TLE4: variants seen among roughly 807,000 people sequenced by gnomAD.
TLE4 encodes the protein transducin-like enhancer protein 4.
TLE4 carries 8 observed loss-of-function variants against 92.8 expected under a neutral mutation model. That is an observed-to-expected ratio of 0.09 (90% CI 0.05 to 0.16). The LOEUF (loss-of-function observed/expected upper bound fraction) is 0.16. TLE4 is among the 10% of genes least tolerant of loss of function. The pLI is 1.00. For missense variants in TLE4, 675 were observed against 997.6 expected (o/e 0.68, Z 4.36); for synonymous variants, 371 against 374.1 (o/e 0.99, Z 0.10).
chr9:79,693,659 T>G (rs778228391), intron 8 of TLE4: 1 of 517,872 alleles, frequency 1.9e-6, no homozygotes, highest in African/African-American at 1.9e-5. Flanking sequence ...ACCACAAAAG[T>G]TGTACCTCTG....
intron 4 of TLE4, among the ~76,000 whole-genome samples, chr9:79,600,248 C>T (rs1242716144): frequency 6.6e-6 from 1 of 152,032 alleles, no homozygotes; most frequent in African/African-American, 2.4e-5. Context: ...TCTCAACCTG[C>T]CTAGTCAAGT....
intron 6 of TLE4, among the ~76,000 whole-genome samples, chr9:79,632,926 G>T (rs1375062088): frequency 2.0e-5 from 3 of 152,168 alleles, no homozygotes; most frequent in Non-Finnish European, 2.9e-5. Flanking sequence ...GCTTGAAGAT[G>T]CACTCACTTG....
intron 4 of TLE4, chr9:79,576,832 G>GA (rs2037950590): frequency 6.6e-6 from 1 of 151,358 alleles, no homozygotes; most frequent in Non-Finnish European, 1.5e-5. Context: ...TGATTAGTCA[G>GA]AAAGCACTGA....
chr9:79,712,721 A>G (rs1193621231), intron 14 of TLE4, among the ~76,000 whole-genome samples: 4 of 152,272 alleles, frequency 2.6e-5, no homozygotes, highest in Admixed American at 1.3e-4. Flanking sequence ...GTTCTACTTC[A>G]TATGTAGTTG....
intron 5 of TLE4, among the ~76,000 whole-genome samples, chr9:79,617,791 T>G (rs1463977432): frequency 6.6e-6 from 1 of 151,632 alleles, no homozygotes; most frequent in Admixed American, 6.6e-5. Context: ...ACTGAATGTT[T>G]GGCTGCTTTA....
At chr9:79,680,297 C>A (rs1341128825) in intron 8 of TLE4, among the ~76,000 whole-genome samples, 1 of 151,820 alleles carries the variant, frequency 6.6e-6, no homozygotes, top group Non-Finnish European at 1.5e-5. Flanking sequence ...TTTCATTGAG[C>A]AGTGGTTTGT....
intron 16 of TLE4, among the ~76,000 whole-genome samples, chr9:79,721,373 T>C (rs1464455492): frequency 6.6e-6 from 1 of 152,138 alleles, no homozygotes; most frequent in Non-Finnish European, 1.5e-5. Context: ...AAAATTAAAT[T>C]CTCTCTCCCT....
At position 79,680,931 on chromosome 9, in the gene TLE4, A is replaced by T. The variant is rs559481648; in HGVS notation, c.610-23852A>T. Among the ~76,000 whole-genome samples, 17 of 152,284 alleles carry T rather than the reference A, an allele frequency of 1.1e-4. No individual in the cohort carries two copies. In the East Asian group the frequency reaches 3.3e-3, roughly 29 times the overall value. On this transcript the variant is annotated intron_variant, in intron 8 of 19. Transcript: ENST00000376552. The stretch of plus-strand genomic sequence containing the variant: ...TTTGTTTATATGCTGGATTACATTT[A>T]TTGATTTGCGTTTGTTGAACCAGCC...
At chr9:79,612,567 A>G in intron 4 of TLE4, 89 bp from the exon 5 acceptor site, 1 of 1,168,534 alleles carries the variant, frequency 8.6e-7, no homozygotes, top group East Asian at 2.3e-5. Context: ...ATTATAAAGT[A>G]TGTTTTAATA....
At chr9:79,613,363 G>C (rs2048795336) in intron 5 of TLE4, among the ~76,000 whole-genome samples, 1 of 152,126 alleles carries the variant, frequency 6.6e-6, no homozygotes, top group Non-Finnish European at 1.5e-5. Flanking sequence ...TACAGGGGAA[G>C]TGCATGCCAT....
chr9:79,665,330 T>TG (rs570839803), intron 8 of TLE4, among the ~76,000 whole-genome samples: 4 of 152,182 alleles, frequency 2.6e-5, no homozygotes, highest in Non-Finnish European at 5.9e-5. Flanking sequence ...TGTACTGCAT[T>TG]GGGGGTGCAC....
intron 8 of TLE4, among the ~76,000 whole-genome samples, chr9:79,692,754 G>C (rs1398213112): frequency 6.6e-6 from 1 of 152,106 alleles, no homozygotes; most frequent in Non-Finnish European, 1.5e-5. Flanking sequence ...AGCTTCTCTA[G>C]GCCTATTTTA....
At chr9:79,605,766 C>G (rs1270133148) in intron 4 of TLE4, among the ~76,000 whole-genome samples, 2 of 152,082 alleles carry the variant, frequency 1.3e-5, no homozygotes, top group Non-Finnish European at 2.9e-5. Context: ...ATAAATGGGA[C>G]ACTTGAGAAT....
chr9:79,629,580 T>C (rs1274286388), intron 6 of TLE4, among the ~76,000 whole-genome samples: 1 of 152,222 alleles, frequency 6.6e-6, no homozygotes, highest in Non-Finnish European at 1.5e-5. Context: ...CAGCGTTACG[T>C]GCTATCAACG....
At chr9:79,703,295 C>G (rs2070490581) in intron 8 of TLE4, among the ~76,000 whole-genome samples, 1 of 152,146 alleles carries the variant, frequency 6.6e-6, no homozygotes, top group Non-Finnish European at 1.5e-5. Flanking sequence ...GAGCCCTGCC[C>G]TGGTGCCCTG....
At chr9:79,579,731 A>G (rs1587643894) in intron 4 of TLE4, among the ~76,000 whole-genome samples, 1 of 152,270 alleles carries the variant, frequency 6.6e-6, no homozygotes, top group African/African-American at 2.4e-5. Context: ...GTTTCACTTA[A>G]AGCCATGTAA....
At chr9:79,708,893 A>G in intron 13 of TLE4, 107 bp downstream of exon 13, 5 of 1,345,932 alleles carry the variant, frequency 3.7e-6, no homozygotes, top group Non-Finnish European at 5.0e-6. Flanking sequence ...GTGCAGTGGC[A>G]TGATCTTGGC....
At chr9:79,649,935 A>G (rs1222827729) in intron 6 of TLE4, 11 of 1,152,868 alleles carry the variant, frequency 9.5e-6, no homozygotes, top group Non-Finnish European at 1.3e-5. Context: ...TTTTTTTTTG[A>G]GACAGGGTTT....
rs751862890 is a variant in TLE4 at position 79,721,874 on chromosome 9, G to T, written c.1972G>T (p.Asp658Tyr). The change falls in exon 17 of 20, where the codon GAC becomes TAC. Residue 658 changes from aspartate to tyrosine, a missense_variant. Physicochemically the swap from Asp to Tyr is radical, Grantham distance 160 (BLOSUM62 -3). Around this residue, in one of 5 missense-constraint regions of TLE4, gnomAD observed 170 missense variants for 359.6 expected, o/e 0.47. Transcript: ENST00000376552. ...CGAGGGGCGGCAGCTGCAGCAGCAC[G>T]ACTTCACCTCCCAGGTATGATCCGT... Reference protein sequence around the residue: ...LREGRQLQQHDFTSQIFSLGY... With the variant: ...LREGRQLQQHYFTSQIFSLGY... 1 of 1,613,144 alleles carries T rather than the reference G, an allele frequency of 6.2e-7. No individual in the cohort carries two copies. The highest frequency in any genetic ancestry group is 1.3e-5 in the African/African-American group (1 of 74,888).
Sources: gnomAD v4.1 joint callset for allele counts (sites outside exome capture counted in the v4.1 genomes callset) on GRCh38, gnomAD v4.1.1 for gene constraint, gnomAD v4.1.1 regional missense constraint, MANE v1.5 for transcripts, NCBI Gene and HGNC (gene_info 2026-07-23, HGNC 2026-07-21) for gene names.